Variants in DGKB observed in about 807,000 individuals in gnomAD.
DGKB encodes diacylglycerol kinase beta, also known as 90 kDa diacylglycerol kinase.
A neutral mutation model predicts 114.3 loss-of-function variants in DGKB; 67 were observed. The observed-to-expected ratio is 0.59, with a 90% confidence interval of 0.48 to 0.72. The LOEUF (loss-of-function observed/expected upper bound fraction) is 0.72, where lower values mean the gene tolerates loss of function less well. Ranked by LOEUF, DGKB falls within the 30% of genes least tolerant of loss-of-function variation. The pLI is 0.00. For missense variants in DGKB, 907 were observed against 975.2 expected (o/e 0.93, Z 0.93); for synonymous variants, 398 against 323.1 (o/e 1.23, Z -2.49).
At chr7:14,235,832 T>C (rs117341805) in intron 23 of DGKB, among the ~76,000 whole-genome samples, 2,152 of 152,160 alleles carry the variant, frequency 0.014, 21 homozygotes, top group Non-Finnish European at 0.021. Flanking sequence ...TTAGCTGTTA[T>C]GTGAAGCTAT....
At chr7:14,186,844 A>C (rs1584329001) in intron 23 of DGKB, among the ~76,000 whole-genome samples, 1 of 152,262 alleles carries the variant, frequency 6.6e-6, no homozygotes, top group East Asian at 1.9e-4. Context: ...TAAGGATGAT[A>C]CAGTAGACTT....
chr7:14,415,460 C>T (rs1825565484), intron 21 of DGKB, among the ~76,000 whole-genome samples: 2 of 151,010 alleles, frequency 1.3e-5, no homozygotes, highest in South Asian at 2.1e-4. Context: ...GTGATGTTCC[C>T]CTTCCTGTGT....
chr7:14,952,460 G>C (rs1786257456), intron 1 of DGKB, among the ~76,000 whole-genome samples: 1 of 151,744 alleles, frequency 6.6e-6, no homozygotes, highest in Non-Finnish European at 1.5e-5. Flanking sequence ...AAGTTTGGCT[G>C]GATTCTCTGA....
intron 17 of DGKB, among the ~76,000 whole-genome samples, chr7:14,606,450 AT>A (rs2128777772): frequency 6.6e-6 from 1 of 152,250 alleles, no homozygotes; most frequent in East Asian, 1.9e-4. Flanking sequence ...GACTATGCTA[AT>A]TAATTATACT....
intron 2 of DGKB, among the ~76,000 whole-genome samples, chr7:14,825,473 T>C (rs754213666): frequency 2.0e-5 from 3 of 152,140 alleles, no homozygotes; most frequent in Admixed American, 6.6e-5. Context: ...TCGGATATTA[T>C]ATTTTCATAA....
At chr7:14,849,588 G>C (rs1380663251) in intron 1 of DGKB, among the ~76,000 whole-genome samples, 1 of 152,094 alleles carries the variant, frequency 6.6e-6, no homozygotes, top group Non-Finnish European at 1.5e-5. Flanking sequence ...AAATTACCCA[G>C]TATCAGTAAT....
At chr7:14,253,241 G>C (rs1388391782) in intron 23 of DGKB, among the ~76,000 whole-genome samples, 1 of 151,930 alleles carries the variant, frequency 6.6e-6, no homozygotes, top group African/African-American at 2.4e-5. Flanking sequence ...CACCATATTG[G>C]CCAGGCTGGT....
intron 25 of DGKB, among the ~76,000 whole-genome samples, chr7:14,164,112 G>C (rs886992136): frequency 6.6e-6 from 1 of 151,920 alleles, no homozygotes; most frequent in African/African-American, 2.4e-5. Context: ...TTAAATATTA[G>C]GCAAAATGCA....
At chr7:14,253,590 C>G (rs1296322989) in intron 23 of DGKB, among the ~76,000 whole-genome samples, 1 of 152,196 alleles carries the variant, frequency 6.6e-6, no homozygotes, top group African/African-American at 2.4e-5. Flanking sequence ...TCTGAAATCT[C>G]TCTGGCATTA....
At chr7:14,313,597 C>G (rs1235283927) in intron 23 of DGKB, among the ~76,000 whole-genome samples, 1 of 152,170 alleles carries the variant, frequency 6.6e-6, no homozygotes, top group Admixed American at 6.5e-5. Flanking sequence ...CAGCGCACCA[C>G]GAGATTATAT....
intron 21 of DGKB, among the ~76,000 whole-genome samples, chr7:14,363,103 G>A (rs1163556390): frequency 6.6e-6 from 1 of 152,098 alleles, no homozygotes; most frequent in African/African-American, 2.4e-5. Flanking sequence ...ACAGTATCCT[G>A]GCTGGGCTTC....
rs750439983 is a variant in DGKB, at chr7:14,231,117, TTCTTTCTTTC to T, written c.2123-52976_2123-52967del. 9.8e-3 allele frequency among the ~76,000 whole-genome samples: 1,255 copies of T among 128,590 alleles called. 23 individuals carry two copies. Among genetic ancestry groups the T allele is most frequent in the African/African-American group, 0.025 (892 of 35,904 alleles). The allele number at this position is 128,590 out of a possible 152,430, so 84.4% of individuals were successfully genotyped here. ...TTTCTTTCTTTCTTTCTTTCTTTCT[TTCTTTCTTTC>T]TTTCTTTCTTTCTTTCTTTTTCTTT... On this transcript the variant is annotated intron_variant, in intron 23 of 25. Coordinates refer to ENST00000402815, the MANE Select transcript of DGKB (RefSeq NM_001350709.2).
intron 13 of DGKB, among the ~76,000 whole-genome samples, chr7:14,641,239 AGG>A (rs1811722081): frequency 4.2e-5 from 1 of 24,000 alleles, no homozygotes; most frequent in Non-Finnish European, 1.2e-4. Context: ...TTTACAATAT[AGG>A]GATTTGGTTT....
intron 21 of DGKB, among the ~76,000 whole-genome samples, chr7:14,473,013 TC>T (rs780839421): frequency 5.3e-5 from 8 of 151,946 alleles, no homozygotes; most frequent in Non-Finnish European, 8.8e-5. Flanking sequence ...GAAAAGAAAA[TC>T]CCATTTTCTG....
intron 20 of DGKB, among the ~76,000 whole-genome samples, chr7:14,485,658 G>C (rs1365982295): frequency 6.6e-6 from 1 of 151,810 alleles, no homozygotes; most frequent in African/African-American, 2.4e-5. Flanking sequence ...CAGCACTTTG[G>C]GAGACTGAGA....
At chr7:14,631,842 T>C (rs1563734190) in intron 13 of DGKB, among the ~76,000 whole-genome samples, 1 of 152,124 alleles carries the variant, frequency 6.6e-6, no homozygotes. Context: ...TTTATCATAA[T>C]ATATACAAGT....
chr7:14,522,260 A>C (rs1466909426), intron 20 of DGKB, among the ~76,000 whole-genome samples: 1 of 152,168 alleles, frequency 6.6e-6, no homozygotes, highest in Non-Finnish European at 1.5e-5. Flanking sequence ...TCGCACATGC[A>C]TAGATAGGCT....
At chr7:14,955,104 T>C (rs1317121906) in intron 1 of DGKB, among the ~76,000 whole-genome samples, 3 of 151,962 alleles carry the variant, frequency 2.0e-5, no homozygotes, top group South Asian at 2.1e-4. Context: ...TCTGGAATAA[T>C]GGTGAGACCA....
At chr7:14,313,954 C>A (rs1805948582) in intron 23 of DGKB, among the ~76,000 whole-genome samples, 1 of 152,210 alleles carries the variant, frequency 6.6e-6, no homozygotes, top group African/African-American at 2.4e-5. Flanking sequence ...CAGACTGCCT[C>A]CTCAAGTGGG....
Sources: gnomAD v4.1 joint callset for allele counts (sites outside exome capture counted in the v4.1 genomes callset) on GRCh38, gnomAD v4.1.1 for gene constraint, MANE v1.5 for transcripts, NCBI Gene and HGNC (gene_info 2026-07-23, HGNC 2026-07-21) for gene names.